The following FHIT variants were observed in gnomAD, a reference collection of about 807,000 sequenced individuals.
FHIT encodes fragile histidine triad diadenosine triphosphatase.
In FHIT, 19 loss-of-function variants were observed where a neutral mutation model predicts 17.9. The ratio of observed to expected loss-of-function variants is 1.06; its 90% CI spans 0.74 to 1.56. FHIT has a LOEUF of 1.56. FHIT is among the 40% of genes most tolerant of loss of function. FHIT has a pLI of 0.00. For synonymous variants in FHIT, 81 were observed against 69.7 expected, an observed-to-expected ratio of 1.16 and a Z score of -0.81; for missense variants, 248 against 189.2, an observed-to-expected ratio of 1.31 and a Z score of -1.82.
chr3:61,204,008 T>C (rs757435320), intron 1 of FHIT, among the ~76,000 whole-genome samples: 38 of 152,240 alleles, frequency 2.5e-4, no homozygotes, highest in Non-Finnish European at 5.0e-4. Flanking sequence ...TGGAGTATTA[T>C]ATAACTTTGG....
chr3:60,809,050 A>C (rs1701489683), intron 4 of FHIT, among the ~76,000 whole-genome samples: 3 of 152,212 alleles, frequency 2.0e-5, no homozygotes, highest in African/African-American at 7.2e-5. Flanking sequence ...AAATTGCCTA[A>C]AATTTCCCAG....
intron 5 of FHIT, among the ~76,000 whole-genome samples, chr3:60,509,858 T>C (rs1005960063): frequency 2.0e-5 from 3 of 152,224 alleles, no homozygotes; most frequent in African/African-American, 7.2e-5. Context: ...ATTTTTTCAT[T>C]GTCTTACAGT....
intron 5 of FHIT, among the ~76,000 whole-genome samples, chr3:60,290,820 G>T (rs1487319717): frequency 6.6e-6 from 1 of 152,040 alleles, no homozygotes; most frequent in African/African-American, 2.4e-5. Context: ...TGACACAATA[G>T]CAGAGAGGGG....
At chr3:60,986,789 C>T (rs1710736340) in intron 3 of FHIT, among the ~76,000 whole-genome samples, 1 of 152,120 alleles carries the variant, frequency 6.6e-6, no homozygotes. Context: ...GACAGTTATT[C>T]CCCCACTGAT....
At chr3:59,883,369 C>T (rs189236884) in intron 8 of FHIT, among the ~76,000 whole-genome samples, 147 of 152,268 alleles carry the variant, frequency 9.7e-4, no homozygotes, top group African/African-American at 3.4e-3. Flanking sequence ...CTTACAGTTC[C>T]ATGTGGCTGT....
chr3:59,750,693 A>G (rs553938435), intron 9 of FHIT: 7 of 217,088 alleles, frequency 3.2e-5, no homozygotes, highest in South Asian at 1.9e-4. Flanking sequence ...TTGAACAACA[A>G]TAGGGGGCAA....
chr3:59,972,777 A>C (rs1708244637), intron 7 of FHIT, among the ~76,000 whole-genome samples: 1 of 151,824 alleles, frequency 6.6e-6, no homozygotes, highest in Non-Finnish European at 1.5e-5. Flanking sequence ...TCTCAGTAGT[A>C]CTCCTGTTCA....
At chr3:59,921,834 G>A (rs1705419933) in intron 8 of FHIT, among the ~76,000 whole-genome samples, 1 of 152,106 alleles carries the variant, frequency 6.6e-6, no homozygotes, top group Non-Finnish European at 1.5e-5. Flanking sequence ...TAAATTAACT[G>A]CTTTAATATT....
intron 7 of FHIT, among the ~76,000 whole-genome samples, chr3:59,992,802 G>C (rs539771431): frequency 6.6e-4 from 101 of 152,126 alleles, no homozygotes; most frequent in Non-Finnish European, 1.3e-3. Context: ...ACACGTGAAA[G>C]TCACCATCAC....
At chr3:60,998,012 C>T (rs1233198682) in intron 3 of FHIT, among the ~76,000 whole-genome samples, 9 of 152,232 alleles carry the variant, frequency 5.9e-5, no homozygotes, top group South Asian at 2.1e-4. Flanking sequence ...TCTCATGTGA[C>T]CTCTGAGATA....
intron 5 of FHIT, among the ~76,000 whole-genome samples, chr3:60,334,292 G>A (rs1266029471): frequency 6.6e-6 from 1 of 152,158 alleles, no homozygotes; most frequent in Admixed American, 6.5e-5. Flanking sequence ...AACAGTTACT[G>A]AGTCCCCAGT....
chr3:59,796,518 T>G (rs1699785393), intron 8 of FHIT, among the ~76,000 whole-genome samples: 2 of 152,230 alleles, frequency 1.3e-5, no homozygotes. Flanking sequence ...CTGATTCACT[T>G]CCTTACTCTG....
intron 5 of FHIT, among the ~76,000 whole-genome samples, chr3:60,308,650 T>C (rs1708798033): frequency 6.6e-6 from 1 of 151,990 alleles, no homozygotes; most frequent in Non-Finnish European, 1.5e-5. Flanking sequence ...TGAATTTGCC[T>C]TTCTGCCAAC....
intron 8 of FHIT, among the ~76,000 whole-genome samples, chr3:59,820,105 G>A (rs778217536): frequency 3.3e-5 from 5 of 152,164 alleles, no homozygotes; most frequent in African/African-American, 4.8e-5. Context: ...CCAGGCTAAG[G>A]TATTTTATTG....
chr3:60,360,399 C>A (rs78345220), intron 5 of FHIT, among the ~76,000 whole-genome samples: 1 of 151,978 alleles, frequency 6.6e-6, no homozygotes, highest in Non-Finnish European at 1.5e-5. Flanking sequence ...GGCACTGGGG[C>A]CAATAATGCA....
intron 4 of FHIT, among the ~76,000 whole-genome samples, chr3:60,578,466 C>CACACAT (rs1200744518): frequency 1.2e-4 from 18 of 151,672 alleles, no homozygotes; most frequent in Non-Finnish European, 1.9e-4. Context: ...CACACACACA[C>CACACAT]ACACACACAC....
intron 1 of FHIT, among the ~76,000 whole-genome samples, chr3:61,236,378 G>A (rs1364565892): frequency 1.3e-5 from 2 of 151,780 alleles, no homozygotes; most frequent in African/African-American, 2.4e-5. Context: ...CATCTCTTGT[G>A]TTGACAACAA....
intron 5 of FHIT, among the ~76,000 whole-genome samples, chr3:60,441,706 A>ATATATATATATATATTTGTATT (rs1210007608): frequency 3.4e-5 from 1 of 29,512 alleles, no homozygotes; most frequent in East Asian, 8.8e-4. Context: ...AGGTATTTAT[A>ATATATATATATATATTTGTATT]TATATATATA....
chr3:61,138,061 C>T (rs755793808), intron 2 of FHIT, among the ~76,000 whole-genome samples: 6 of 152,176 alleles, frequency 3.9e-5, no homozygotes, highest in Non-Finnish European at 7.3e-5. Flanking sequence ...CTCTGTGACT[C>T]AGTTTCCTCT....
Sources: gnomAD v4.1 joint callset for allele counts (sites outside exome capture counted in the v4.1 genomes callset) on GRCh38, gnomAD v4.1.1 for gene constraint, MANE v1.5 for transcripts, NCBI Gene and HGNC (gene_info 2026-07-23, HGNC 2026-07-21) for gene names.